The following ST6GALNAC3 variants were observed in gnomAD, a reference collection of about 807,000 sequenced individuals.
ST6GALNAC3 encodes the protein ST6 N-acetylgalactosaminide alpha-2,6-sialyltransferase 3.
A neutral mutation model predicts 32.7 loss-of-function variants in ST6GALNAC3; 25 were observed. The observed-to-expected ratio is 0.76, with a 90% CI of 0.56 to 1.07. The LOEUF is 1.07. Ranked by LOEUF, ST6GALNAC3 falls within the 50% of genes least tolerant of loss-of-function variation. ST6GALNAC3 has a pLI of 0.00. For synonymous variants in ST6GALNAC3, 129 were observed against 133.1 expected (o/e 0.97, Z 0.21); for missense variants, 355 against 382.4 (o/e 0.93, Z 0.60).
chr1:76,209,164 G>A (rs1167405050), intron 1 of ST6GALNAC3, among the ~76,000 whole-genome samples: 1 of 152,164 alleles, frequency 6.6e-6, no homozygotes, highest in Admixed American at 6.5e-5. Flanking sequence ...TGATTGCTAA[G>A]TTGCATTGTC....
intron 2 of ST6GALNAC3, among the ~76,000 whole-genome samples, chr1:76,363,511 C>T (rs1185957967): frequency 6.6e-6 from 1 of 152,144 alleles, no homozygotes; most frequent in Non-Finnish European, 1.5e-5. Context: ...TTCTTCTGAG[C>T]CCTCCAACTG....
At chr1:76,576,858 A>G (rs1047000979) in intron 3 of ST6GALNAC3, 22 of 1,304,998 alleles carry the variant, frequency 1.7e-5, no homozygotes, top group Non-Finnish European at 2.2e-5. Flanking sequence ...CAGAGTGACC[A>G]TGCAGTGTTG....
chr1:76,637,031 A>C (rs1413910462), downstream of ST6GALNAC3: 1 of 152,134 alleles, frequency 6.6e-6, no homozygotes. Context: ...TAGTTTAATC[A>C]GAGTGGTGGC....
chr1:76,577,008 A>G (rs1170496237), intron 3 of ST6GALNAC3: 26 of 1,216,308 alleles, frequency 2.1e-5, no homozygotes, highest in Non-Finnish European at 2.7e-5. Context: ...TCAGTGGTTC[A>G]AAGATTAAGA....
At chr1:76,561,404 G>A (rs1207015467) in intron 3 of ST6GALNAC3, among the ~76,000 whole-genome samples, 1 of 152,102 alleles carries the variant, frequency 6.6e-6, no homozygotes, top group Non-Finnish European at 1.5e-5. Flanking sequence ...ATCAGATAAA[G>A]GACTCACATC....
In ST6GALNAC3 at chr1:76,629,093, C is replaced by A; in HGVS notation, c.*287C>A. 8.7e-7 allele frequency: 1 copy of A among 1,144,128 alleles called. No homozygotes were observed. Among genetic ancestry groups the A allele is most frequent in the Admixed American group, 5.1e-5 (1 of 19,630 alleles). The allele number at this position is 1,144,128 out of a possible 1,614,324, so 70.9% of individuals were successfully genotyped here. A position where few individuals can be genotyped will look rare whatever the true frequency, so the allele number is the denominator to read the frequency against. On this transcript the variant is annotated 3_prime_UTR_variant, in exon 5 of 5. Coordinates refer to ENST00000328299, the MANE Select transcript of ST6GALNAC3 (RefSeq NM_152996.4). The stretch of plus-strand genomic sequence containing the variant: ...AGGCCAGTGACATGACAACTGTGAC[C>A]TAAGAAATGGGAAGATTATCTTTCA...
chr1:76,400,850 G>T (rs967001675), intron 2 of ST6GALNAC3, among the ~76,000 whole-genome samples: 1 of 151,202 alleles, frequency 6.6e-6, no homozygotes, highest in Non-Finnish European at 1.5e-5. Context: ...AGCTGAGATC[G>T]CACCACTGCA....
intron 3 of ST6GALNAC3, among the ~76,000 whole-genome samples, chr1:76,521,651 C>T (rs1662545646): frequency 6.6e-6 from 1 of 152,056 alleles, no homozygotes; most frequent in Non-Finnish European, 1.5e-5. Context: ...TCCTTTAGTA[C>T]AGTCCTACCA....
chr1:76,313,022 G>A (rs888065560), intron 1 of ST6GALNAC3, among the ~76,000 whole-genome samples: 1 of 152,098 alleles, frequency 6.6e-6, no homozygotes, highest in African/African-American at 2.4e-5. Context: ...TATGTTTAGA[G>A]GAATGTTCTG....
chr1:76,205,049 T>G lies in ST6GALNAC3; in HGVS notation c.19-108756T>G, dbSNP rs567698669. Among the ~76,000 whole-genome samples, 42 of 152,336 alleles carry G rather than the reference T, an allele frequency of 2.8e-4. No individual in the cohort carries two copies. The South Asian group carries it at 8.5e-3, about 31-fold the overall frequency. On this transcript the variant is annotated intron_variant, in intron 1 of 4. Transcript: ENST00000328299. ...TCCCAACGTCATTTGCTTCCTGAAC[T>G]GTGGGACCCTTGAGGTCAGGCCAGA...
At chr1:76,167,721 G>A (rs1293244714) in intron 1 of ST6GALNAC3, among the ~76,000 whole-genome samples, 1 of 152,134 alleles carries the variant, frequency 6.6e-6, no homozygotes, top group Non-Finnish European at 1.5e-5. Flanking sequence ...TTGGGAGGGT[G>A]TATATGTCCA....
chr1:76,375,926 A>G (rs1651188271), intron 2 of ST6GALNAC3, among the ~76,000 whole-genome samples: 1 of 152,138 alleles, frequency 6.6e-6, no homozygotes, highest in Non-Finnish European at 1.5e-5. Context: ...TATAGATCCA[A>G]ATGTGTGAGT....
At chr1:76,453,270 T>A (rs1455760324) in intron 3 of ST6GALNAC3, among the ~76,000 whole-genome samples, 7 of 152,272 alleles carry the variant, frequency 4.6e-5, no homozygotes, top group Non-Finnish European at 1.0e-4. Flanking sequence ...TTTGTTTCAA[T>A]TTCATTTAGT....
intron 2 of ST6GALNAC3, among the ~76,000 whole-genome samples, chr1:76,358,946 C>G (rs2101045095): frequency 6.6e-6 from 1 of 152,338 alleles, no homozygotes; most frequent in South Asian, 2.1e-4. Flanking sequence ...GAAGCACCTT[C>G]TGATCTTCCT....
Position 76,426,914 on chromosome 1 carries a change from T to A in ST6GALNAC3, c.623+14497T>A, listed in dbSNP as rs138552837. 3.9e-5 allele frequency among the ~76,000 whole-genome samples: 6 copies of A among 152,140 alleles called. No individual in the cohort carries two copies. In the East Asian group the frequency reaches 1.2e-3, roughly 29 times the overall value. On this transcript the variant is annotated intron_variant, in intron 3 of 4. Transcript: ENST00000328299. ...GACTGAAATGTCACTGTGTGGCACA[T>A]GATTGTTTAACTTTCATGAGAGATT... is the stretch of plus-strand genomic sequence containing the variant.
rs559781660 is a variant in ST6GALNAC3 at position 76,172,796 on chromosome 1, T to C, written c.18+97912T>C. ...ACTAACAAGGGATGTGAAGACCTCT[T>C]CAAGGAGAACTACAAACCACTACTC... On this transcript the variant is annotated intron_variant, in intron 1 of 4. Coordinates refer to ENST00000328299, the MANE Select transcript of ST6GALNAC3 (RefSeq NM_152996.4). 1.2e-4 allele frequency among the ~76,000 whole-genome samples: 18 copies of C among 152,252 alleles called. No individual in the cohort carries two copies. In the South Asian group the frequency reaches 3.7e-3, roughly 32 times the overall value.
chr1:76,389,055 G>A (rs2101143789), intron 2 of ST6GALNAC3, among the ~76,000 whole-genome samples: 1 of 125,680 alleles, frequency 8.0e-6, no homozygotes, highest in Admixed American at 9.4e-5. Flanking sequence ...CAGTAACCTA[G>A]GCTGGGGTGC....
At chr1:76,217,465 C>T (rs1268737445) in intron 1 of ST6GALNAC3, among the ~76,000 whole-genome samples, 1 of 152,078 alleles carries the variant, frequency 6.6e-6, no homozygotes. Flanking sequence ...CCTCCTCTTC[C>T]CTATCCAGGT....
intron 2 of ST6GALNAC3, among the ~76,000 whole-genome samples, chr1:76,403,210 T>A (rs892731342): frequency 1.3e-5 from 2 of 152,096 alleles, no homozygotes; most frequent in African/African-American, 4.8e-5. Flanking sequence ...ATAAAACCTC[T>A]AATGCTATAT....
Sources: gnomAD v4.1 joint callset for allele counts (sites outside exome capture counted in the v4.1 genomes callset) on GRCh38, gnomAD v4.1.1 for gene constraint, MANE v1.5 for transcripts, NCBI Gene and HGNC (gene_info 2026-07-23, HGNC 2026-07-21) for gene names.